PIR: variants seen among roughly 807,000 people sequenced by gnomAD.
The protein encoded by PIR is pirin (iron-binding nuclear protein).
Under a neutral mutation model 24.2 loss-of-function variants are expected in PIR, and 22 were observed. That is an observed-to-expected ratio of 0.91 (90% CI 0.65 to 1.30). PIR has a LOEUF of 1.30. Ranked by LOEUF, PIR falls within the 50% of genes most tolerant of loss-of-function variation. The pLI is 0.00. For missense variants in PIR, 220 were observed against 220.3 expected, an observed-to-expected ratio of 1.00 and a Z score of 0.01; for synonymous variants, 80 against 79.6, an observed-to-expected ratio of 1.00 and a Z score of -0.03.
At chrX:15,449,564 C>T (rs750275367) in intron 5 of PIR, among the ~76,000 whole-genome samples, 2 of 111,978 alleles carry the variant, frequency 1.8e-5, no homozygotes, top group South Asian at 7.4e-4. Flanking sequence ...AAATCTTGGA[C>T]TCCTAAAATG....
At chrX:15,447,152 C>T (rs1926131493) in intron 5 of PIR, among the ~76,000 whole-genome samples, 1 of 112,220 alleles carries the variant, frequency 8.9e-6, no homozygotes, top group Non-Finnish European at 1.9e-5. Context: ...CGAATTTGCT[C>T]AACACATTTG....
At chrX:15,465,409 T>G (rs1340717326) in intron 3 of PIR, among the ~76,000 whole-genome samples, 2 of 112,022 alleles carry the variant, frequency 1.8e-5, no homozygotes, top group African/African-American at 3.2e-5. Context: ...AGAGGATTTT[T>G]TAAAAAACTG....
intron 2 of PIR, among the ~76,000 whole-genome samples, chrX:15,486,441 G>A (rs4830958): frequency 0.42 from 46,201 of 108,946 alleles, 7,276 homozygotes; most frequent in East Asian, 0.46. Context: ...TGAGGATGGG[G>A]CCGATGCTAT....
intron 2 of PIR, among the ~76,000 whole-genome samples, chrX:15,490,678 C>T: frequency 8.9e-6 from 1 of 112,203 alleles, no homozygotes; most frequent in Middle Eastern, 4.6e-3. Flanking sequence ...AGTTGGGTCC[C>T]AGCAGTCTCT....
intron 7 of PIR, among the ~76,000 whole-genome samples, chrX:15,401,391 G>T (rs1311100171): frequency 9.9e-6 from 1 of 101,290 alleles, no homozygotes; most frequent in Non-Finnish European, 1.9e-5. Context: ...TGGAGTCAGG[G>T]TTCCAGGTTA....
chrX:15,474,891 GAC>G (rs1304623174), intron 3 of PIR, among the ~76,000 whole-genome samples: 1 of 111,985 alleles, frequency 8.9e-6, no homozygotes, highest in African/African-American at 3.2e-5. Context: ...GGTACTGGTA[GAC>G]AGTCTTGTCT....
chrX:15,404,124 C>G (rs1286483037), intron 7 of PIR, among the ~76,000 whole-genome samples: 2 of 110,418 alleles, frequency 1.8e-5, no homozygotes, highest in African/African-American at 6.6e-5. Context: ...CTCGGCCTCC[C>G]GTGTAGCTGG....
chrX:15,449,308 G>A (rs1384361560), intron 5 of PIR, among the ~76,000 whole-genome samples: 1 of 111,865 alleles, frequency 8.9e-6, no homozygotes, highest in Non-Finnish European at 1.9e-5. Flanking sequence ...AGACCAGGAA[G>A]CTCTCTGATT....
At chrX:15,389,400 T>C (rs1050416864) in intron 9 of PIR, among the ~76,000 whole-genome samples, 1 of 112,060 alleles carries the variant, frequency 8.9e-6, no homozygotes, top group African/African-American at 3.2e-5. Flanking sequence ...CCGTGTTCTT[T>C]AAATTCATGA....
At chrX:15,394,214 T>G (rs1221442063) in intron 8 of PIR, among the ~76,000 whole-genome samples, 1 of 112,031 alleles carries the variant, frequency 8.9e-6, no homozygotes, top group Admixed American at 9.5e-5. Flanking sequence ...TGTTTATACT[T>G]CTTGGGCCAA....
intron 2 of PIR, among the ~76,000 whole-genome samples, chrX:15,488,845 G>A (rs1923009416): frequency 9.0e-6 from 1 of 111,246 alleles, no homozygotes; most frequent in Non-Finnish European, 1.9e-5. Flanking sequence ...AACTCAGAGG[G>A]GTTGTAAACT....
chrX:15,491,481 G>A (rs1443515718), intron 1 of PIR, among the ~76,000 whole-genome samples, 172 bp from the exon 2 acceptor site: 2 of 111,950 alleles, frequency 1.8e-5, no homozygotes, highest in African/African-American at 6.5e-5. Context: ...TAATGATGGT[G>A]AACATGTATG....
intron 5 of PIR, among the ~76,000 whole-genome samples, chrX:15,452,177 C>A (rs748901556): frequency 1.8e-5 from 2 of 111,402 alleles, no homozygotes; most frequent in African/African-American, 6.5e-5. Flanking sequence ...CAAGTAGAGG[C>A]GTGTTTTTGG....
chrX:15,408,147 C>G (rs372603395), intron 6 of PIR, among the ~76,000 whole-genome samples: 1 of 111,011 alleles, frequency 9.0e-6, no homozygotes, highest in Admixed American at 9.6e-5. Flanking sequence ...AGTAGAGATG[C>G]GGTTTCACCA....
intron 5 of PIR, among the ~76,000 whole-genome samples, chrX:15,454,852 C>T (rs1351446314): frequency 8.9e-6 from 1 of 111,741 alleles, no homozygotes; most frequent in Non-Finnish European, 1.9e-5. Flanking sequence ...AAGTTAATGG[C>T]CATAACCAAT....
intron 7 of PIR, among the ~76,000 whole-genome samples, chrX:15,400,653 C>T (rs1169188759): frequency 9.0e-6 from 1 of 111,196 alleles, no homozygotes; most frequent in Non-Finnish European, 1.9e-5. Flanking sequence ...ATGTGGGATG[C>T]AATTTCTGCC....
At chrX:15,437,941 G>A (rs777029777) in intron 5 of PIR, among the ~76,000 whole-genome samples, 2 of 112,369 alleles carry the variant, frequency 1.8e-5, no homozygotes, top group East Asian at 2.8e-4. Flanking sequence ...TCCCTCTTAC[G>A]CAACCTTGTC....
At chrX:15,409,879 T>C (rs754175954) in intron 6 of PIR, among the ~76,000 whole-genome samples, 1 of 111,759 alleles carries the variant, frequency 8.9e-6, no homozygotes, top group South Asian at 3.7e-4. Context: ...TACCCTGACA[T>C]AAATATTGTT....
intron 6 of PIR, among the ~76,000 whole-genome samples, chrX:15,424,993 C>T (rs1334472639): frequency 9.3e-6 from 1 of 107,717 alleles, no homozygotes; most frequent in Non-Finnish European, 1.9e-5. Context: ...AGTGAGACCC[C>T]ACGTCTACAG....
Sources: gnomAD v4.1 joint callset for allele counts (sites outside exome capture counted in the v4.1 genomes callset) on GRCh38, gnomAD v4.1.1 for gene constraint, MANE v1.5 for transcripts, NCBI Gene and HGNC (gene_info 2026-07-23, HGNC 2026-07-21) for gene names.